Variants in ALG12 observed in about 807,000 individuals in gnomAD.
ALG12 encodes dol-P-Man:Man(7)GlcNAc(2)-PP-Dol alpha-1,6-mannosyltransferase.
A neutral mutation model predicts 46.0 loss-of-function variants in ALG12; 36 were observed. That is an observed-to-expected ratio of 0.78 (90% CI 0.60 to 1.03). ALG12 has a LOEUF of 1.03. Ranked by LOEUF, ALG12 falls within the 50% of genes least tolerant of loss-of-function variation. The pLI is 0.00. For synonymous variants in ALG12, 326 were observed against 291.6 expected (o/e 1.12, Z -1.20); for missense variants, 599 against 633.5 (o/e 0.95, Z 0.58).
the ALG12 span, chr22:49,885,282 C>T: frequency 2.0e-5 from 32 of 1,596,800 alleles, no homozygotes; most frequent in African/African-American, 5.4e-5. Flanking sequence ...AATTGACTGA[C>T]TTGCCAACAG....
rs1280438565 is a variant in ALG12 at position 49,905,421 on chromosome 22, C to T, written c.993-915G>A. On this transcript the variant is annotated intron_variant, in intron 7 of 9. Transcript: ENST00000330817. The surrounding 1 kb of genome is among the most constrained non-coding windows in gnomAD (Gnocchi z 4.9). ...CCAAATCTCATGTCCAACTGTGATC[C>T]CCAATGCTGGAGGTGGGGCCTGGTG... 4.6e-5 allele frequency among the ~76,000 whole-genome samples: 7 copies of T among 152,166 alleles called. No individual in the cohort carries two copies. Among genetic ancestry groups the T allele is most frequent in the Non-Finnish European group, 1.0e-4 (7 of 68,030 alleles).
In ALG12 at chr22:49,907,721, A is replaced by G. The variant is rs1171706178; in HGVS notation, c.992T>C (p.Leu331Pro). The G allele has an allele frequency of 1.2e-6, 2 of 1,613,652 alleles. No homozygotes were observed. Among genetic ancestry groups the G allele is most frequent in the East Asian group, 2.2e-5 (1 of 44,904 alleles). The stretch of plus-strand genomic sequence containing the variant: ...TGCATGTCACAAAAAGAGCACTCAC[A>G]GGTAGGAGCAGCCTCTGGCAGCCGT... ...NITAARGCSY[L>P]LNNYKKSWLY... Residue 331 changes from leucine (L) to proline (P), a missense_variant and splice_region_variant, in exon 7 of 10, where the codon CTG becomes CCG. Physicochemically the swap from Leu to Pro is moderately conservative, Grantham distance 98 (BLOSUM62 -3). Transcript: ENST00000330817.
At position 49,905,944 on chromosome 22, in the gene ALG12, A is replaced by G. The variant is rs1000266567; in HGVS notation, c.993-1438T>C. 2.6e-5 allele frequency among the ~76,000 whole-genome samples: 4 copies of G among 152,096 alleles called. No individual in the cohort carries two copies. Among genetic ancestry groups the G allele is most frequent in the African/African-American group, 9.7e-5 (4 of 41,428 alleles). ...CCTGGAGTGGGCAGTCACTGTGGAA[A>G]GCTCGCAATCAGAAACCTTCCACCC... On this transcript the variant is annotated intron_variant, in intron 7 of 9. Transcript: ENST00000330817. The surrounding 1 kb of genome is among the most constrained non-coding windows in gnomAD (Gnocchi z 4.9).
chr22:49,890,588 CTTGAAGAATTGCCCTTAT>C, the ALG12 span, among the ~76,000 whole-genome samples: 1 of 152,198 alleles, frequency 6.6e-6, no homozygotes, highest in South Asian at 2.1e-4. Context: ...CAACAAAACT[CTTGAAGAATTGCCCTTAT>C]TTGATGAGAA....
At chr22:49,885,143 C>T in the ALG12 span, 3 of 1,612,942 alleles carry the variant, frequency 1.9e-6, no homozygotes, top group Non-Finnish European at 2.5e-6. Context: ...GATGTGGGCA[C>T]CAGCTGCCTG....
the ALG12 span, among the ~76,000 whole-genome samples, chr22:49,863,724 G>T: frequency 6.6e-6 from 1 of 152,028 alleles, no homozygotes. Flanking sequence ...CCACTCTCTG[G>T]TGTTATAGTT....
the ALG12 span, among the ~76,000 whole-genome samples, chr22:49,873,666 C>A: frequency 6.7e-6 from 1 of 148,994 alleles, no homozygotes; most frequent in Non-Finnish European, 1.5e-5. Flanking sequence ...CTGCAAAGAG[C>A]AGTAAAGCGA....
At chr22:49,875,000 T>C in the ALG12 span, among the ~76,000 whole-genome samples, 2 of 152,218 alleles carry the variant, frequency 1.3e-5, no homozygotes, top group African/African-American at 4.8e-5. Context: ...ATTTTTTGAC[T>C]ATTAAACCAA....
intron 6 of ALG12, among the ~76,000 whole-genome samples, chr22:49,908,889 T>C (rs1487089801): frequency 3.3e-5 from 5 of 149,752 alleles, no homozygotes; most frequent in East Asian, 2.0e-4. Flanking sequence ...GAGGTGGAGG[T>C]TGCAGTGAGC....
chr22:49,887,416 A>AT, the ALG12 span: 3 of 411,556 alleles, frequency 7.3e-6, no homozygotes, highest in Non-Finnish European at 4.5e-6. Flanking sequence ...CAACTATGAA[A>AT]TATGGTGACT....
the ALG12 span, among the ~76,000 whole-genome samples, chr22:49,866,916 GC>G: frequency 1.6e-4 from 24 of 152,172 alleles, no homozygotes; most frequent in African/African-American, 5.6e-4. Flanking sequence ...CTTACCTCTT[GC>G]GCCTTCAGGA....
At chr22:49,872,981 C>T in the ALG12 span, among the ~76,000 whole-genome samples, 1 of 152,186 alleles carries the variant, frequency 6.6e-6, no homozygotes, top group Non-Finnish European at 1.5e-5. Flanking sequence ...CAGGCGTGAA[C>T]TACCGCGCCC....
the ALG12 span, among the ~76,000 whole-genome samples, chr22:49,867,529 A>G: frequency 6.6e-6 from 1 of 152,208 alleles, no homozygotes; most frequent in Non-Finnish European, 1.5e-5. Flanking sequence ...CCCCAGAAAG[A>G]AGTGTCAGCT....
the ALG12 span, among the ~76,000 whole-genome samples, chr22:49,863,289 A>G: frequency 6.6e-6 from 1 of 152,110 alleles, no homozygotes; most frequent in Non-Finnish European, 1.5e-5. Flanking sequence ...CCTCCCTAAT[A>G]ACTGGGACCA....
intron 1 of ALG12, among the ~76,000 whole-genome samples, chr22:49,916,087 G>A (rs1333437041): frequency 6.7e-6 from 1 of 149,490 alleles, no homozygotes; most frequent in Non-Finnish European, 1.5e-5. Flanking sequence ...GTAAAACCCC[G>A]TCTCTACTAA....
At chr22:49,891,852 T>A in the ALG12 span, among the ~76,000 whole-genome samples, 1 of 152,184 alleles carries the variant, frequency 6.6e-6, no homozygotes, top group African/African-American at 2.4e-5. Flanking sequence ...CCTGCAATAA[T>A]AAAACATTGA....
At chr22:49,864,480 C>T in the ALG12 span, among the ~76,000 whole-genome samples, 871 of 152,226 alleles carry the variant, frequency 5.7e-3, 25 homozygotes, top group East Asian at 7.3e-3. Flanking sequence ...ACTCAGGACA[C>T]GGCCACGTCC....
chr22:49,912,439 C>T (rs2060583902), intron 3 of ALG12, among the ~76,000 whole-genome samples: 1 of 152,334 alleles, frequency 6.6e-6, no homozygotes, highest in South Asian at 2.1e-4. Context: ...GACTTCCTTT[C>T]CCTGGCTCGT....
chr22:49,889,178 A>C, the ALG12 span: 2 of 167,120 alleles, frequency 1.2e-5, no homozygotes, highest in African/African-American at 4.8e-5. Flanking sequence ...CACAGTCTCT[A>C]GTCTCACAGA....
Sources: gnomAD v4.1 joint callset for allele counts (sites outside exome capture counted in the v4.1 genomes callset) on GRCh38, gnomAD v4.1.1 for gene constraint, Gnocchi (gnomAD v3.1) non-coding constraint, MANE v1.5 for transcripts, NCBI Gene and HGNC (gene_info 2026-07-23, HGNC 2026-07-21) for gene names.